The following STAG1 variants were observed in gnomAD, a reference collection of about 807,000 sequenced individuals.
The protein encoded by STAG1 is STAG1 cohesin complex component.
Under a neutral mutation model 170.9 loss-of-function variants are expected in STAG1, and 26 were observed. The ratio of observed to expected loss-of-function variants is 0.15; its 90% CI spans 0.11 to 0.21. The LOEUF is 0.21. Ranked by LOEUF, STAG1 falls within the 10% of genes least tolerant of loss-of-function variation. The pLI is 1.00. For synonymous variants in STAG1, 514 were observed against 497.7 expected, an observed-to-expected ratio of 1.03 and a Z score of -0.44; for missense variants, 964 against 1,509.5, an observed-to-expected ratio of 0.64 and a Z score of 5.99.
intron 21 of STAG1, among the ~76,000 whole-genome samples, chr3:136,405,791 C>CAAAAAAAAA (rs34952291): frequency 5.4e-4 from 27 of 50,094 alleles, no homozygotes; most frequent in Admixed American, 1.1e-3. Flanking sequence ...ACTCTATCTC[C>CAAAAAAAAA]AAAAAAAAAA....
intron 1 of STAG1, among the ~76,000 whole-genome samples, chr3:136,665,240 T>C (rs763861099): frequency 9.2e-5 from 14 of 152,206 alleles, no homozygotes; most frequent in Non-Finnish European, 1.5e-4. Flanking sequence ...GATATTGAAC[T>C]GTTATACAAT....
chr3:136,565,711 A>G (rs537714462), intron 5 of STAG1, among the ~76,000 whole-genome samples: 21 of 152,336 alleles, frequency 1.4e-4, no homozygotes, highest in African/African-American at 5.1e-4. Flanking sequence ...ACGGCACTCA[A>G]ACAAGTATTT....
Position 136,521,506 on chromosome 3 carries a change from T to C in STAG1, c.472-89A>G, listed in dbSNP as rs545815488. On this transcript the variant is annotated intron_variant, in intron 6 of 33. Coordinates refer to ENST00000383202, the MANE Select transcript of STAG1 (RefSeq NM_005862.3). The stretch of plus-strand genomic sequence containing the variant: ...TTTCTTCCTACCTACATAGGAACCC[T>C]TTTTTGCAAAGCAGTTATAGAAAGA... 6.4e-6 allele frequency: 7 copies of C among 1,100,482 alleles called. No homozygotes were observed. The Admixed American group carries it at 7.2e-5, about 11-fold the overall frequency. 68.2% of individuals were successfully genotyped at this position (1,100,482 alleles called of 1,614,324 possible).
chr3:136,579,480 G>T (rs1016246153), intron 4 of STAG1, among the ~76,000 whole-genome samples: 2 of 152,162 alleles, frequency 1.3e-5, no homozygotes, highest in African/African-American at 2.4e-5. Context: ...GGGAAGAAGC[G>T]ATTTCTAAGC....
Position 136,337,435 on chromosome 3 carries a change from A to C in STAG1, c.*819T>G, listed in dbSNP as rs1935729953. 1 of 152,676 alleles carries C rather than the reference A, an allele frequency of 6.5e-6. No homozygotes were observed. Among genetic ancestry groups the C allele is most frequent in the Admixed American group, 6.5e-5 (1 of 15,286 alleles). The allele number at this position is 152,676 out of a possible 1,614,324, so 9.5% of individuals were successfully genotyped here. On this transcript the variant is annotated 3_prime_UTR_variant, in exon 34 of 34. Coordinates refer to ENST00000383202, the MANE Select transcript of STAG1 (RefSeq NM_005862.3). ...TGAGAATACTTTATTTGCTGGTAGA[A>C]GTTGCTAAAAATGCACAGAACAAAT...
At chr3:136,729,575 T>C (rs1438516855) in intron 1 of STAG1, among the ~76,000 whole-genome samples, 1 of 130,844 alleles carries the variant, frequency 7.6e-6, no homozygotes, top group Non-Finnish European at 1.7e-5. Context: ...TTTTCCTTTT[T>C]TTTTTTTTTT....
rs1276422625 is a variant in STAG1 at position 136,443,328 on chromosome 3, A to G, written c.1505T>C (p.Met502Thr). The change falls in exon 15 of 34, where the codon ATG becomes ACG. Residue 502 changes from methionine to threonine, a missense_variant. Met to Thr is a moderately conservative substitution (Grantham distance 81, BLOSUM62 -1). Transcript: ENST00000383202. ...AGGTTCTTCTAATAGCAACTCTGTC[A>G]TACATTCCCAGTCTTTCAACAGTTC... ...SQELLKDWEC[M>T]TELLLEEPVQ... 1 of 1,613,906 alleles carries G rather than the reference A, an allele frequency of 6.2e-7. No homozygotes were observed.
chr3:136,700,756 T>C (rs1943031734), intron 1 of STAG1, among the ~76,000 whole-genome samples: 3 of 151,904 alleles, frequency 2.0e-5, no homozygotes, highest in Admixed American at 1.3e-4. Flanking sequence ...CCCTTCCAGT[T>C]ACTGAAAATA....
At position 136,433,560 on chromosome 3, in the gene STAG1, T is replaced by C. The variant is rs1159913371; in HGVS notation, c.1646A>G (p.Lys549Arg). 1 of 1,601,384 alleles carries C rather than the reference T, an allele frequency of 6.2e-7. No individual in the cohort carries two copies. Residue 549 changes from lysine (K) to arginine (R), a missense_variant, in exon 16 of 34, where the codon AAG becomes AGG. Around this residue, in one of 11 missense-constraint regions of STAG1, gnomAD observed 232 missense variants for 313.0 expected, o/e 0.74. Transcript: ENST00000383202. Reference protein sequence around the residue: ...AHPPVGRGTGKRVLTAKERKT... With the variant: ...AHPPVGRGTGRRVLTAKERKT... ...TTTCTCACTAATGTAACTTACTCTC[T>C]TGCCGGTACCCCTTCCCACTGGAGG... is the stretch of plus-strand genomic sequence containing the variant.
rs188838078 is a variant in STAG1 at position 136,559,213 on chromosome 3, T to C, written c.394+9552A>G. ...GGAGATAAGAATTCATTAAAATAGA[T>C]TGCTAAAGAGAATACTGATTAATAT... is the stretch of plus-strand genomic sequence containing the variant. On this transcript the variant is annotated intron_variant, in intron 5 of 33. Transcript: ENST00000383202. Among the ~76,000 whole-genome samples the C allele has an allele frequency of 3.5e-4, 54 of 152,224 alleles. No homozygotes were observed. The East Asian group carries it at 6.0e-3, about 17-fold the overall frequency.
intron 13 of STAG1, among the ~76,000 whole-genome samples, chr3:136,463,149 C>A (rs746540236): frequency 1.3e-5 from 2 of 152,172 alleles, no homozygotes; most frequent in Non-Finnish European, 2.9e-5. Context: ...GTCAGAGTCA[C>A]TAGGAAATGC....
Position 136,735,738 on chromosome 3 carries a change from G to A in STAG1, c.-84+16457C>T, listed in dbSNP as rs547808533. 2.0e-5 allele frequency among the ~76,000 whole-genome samples: 3 copies of A among 152,120 alleles called. No homozygotes were observed. The South Asian group carries it at 6.2e-4, about 32-fold the overall frequency. ...AGCGATTCCCCTGCCTCAGCCTCCT[G>A]AGTAGCTGGAATTATAGGGGTTCGC... On this transcript the variant is annotated intron_variant, in intron 1 of 33. Transcript: ENST00000383202.
chr3:136,689,425 T>C (rs1490320368), intron 1 of STAG1, among the ~76,000 whole-genome samples: 1 of 152,242 alleles, frequency 6.6e-6, no homozygotes, highest in South Asian at 2.1e-4. Context: ...CTCAATACTG[T>C]TTTATAAAAG....
chr3:136,678,827 A>T (rs1942225197), intron 1 of STAG1, among the ~76,000 whole-genome samples: 1 of 148,770 alleles, frequency 6.7e-6, no homozygotes, highest in Non-Finnish European at 1.5e-5. Flanking sequence ...AGCATGGACA[A>T]CATAGCAAGA....
At chr3:136,524,607 C>A (rs1049284497) in intron 6 of STAG1, among the ~76,000 whole-genome samples, 1 of 152,138 alleles carries the variant, frequency 6.6e-6, no homozygotes, top group African/African-American at 2.4e-5. Context: ...TGCCTGACTG[C>A]CCTGGCCAGA....
In STAG1 at chr3:136,369,332, C is replaced by G. The variant is rs754497219; in HGVS notation, c.2371-50G>C. On this transcript the variant is annotated intron_variant, in intron 23 of 33. Transcript: ENST00000383202. Reference sequence around the variant, plus strand: ...GCAAAATATTACACAAATATAACTACAAGTCAACATTAATGAAAATGTATG... The same window carrying G: ...GCAAAATATTACACAAATATAACTAGAAGTCAACATTAATGAAAATGTATG... 3.5e-6 allele frequency: 5 copies of G among 1,416,626 alleles called. No individual in the cohort carries two copies. The South Asian group carries it at 7.2e-5, about 21-fold the overall frequency. 87.8% of individuals were successfully genotyped at this position (1,416,626 alleles called of 1,614,324 possible). A position where few individuals can be genotyped will look rare whatever the true frequency, so the allele number is the denominator to read the frequency against.
chr3:136,580,634 C>T (rs1041955401), intron 4 of STAG1, among the ~76,000 whole-genome samples: 35 of 148,654 alleles, frequency 2.4e-4, no homozygotes, highest in Non-Finnish European at 3.4e-4. Flanking sequence ...CCCGGGTTCA[C>T]GCCATTCTCC....
chr3:136,495,489 G>T (rs1933028509), intron 9 of STAG1, among the ~76,000 whole-genome samples: 1 of 152,000 alleles, frequency 6.6e-6, no homozygotes, highest in Non-Finnish European at 1.5e-5. Context: ...TCAAGAAAAT[G>T]AAAAAAAGCT....
At chr3:136,546,410 T>A (rs1052215088) in intron 5 of STAG1, among the ~76,000 whole-genome samples, 1 of 151,942 alleles carries the variant, frequency 6.6e-6, no homozygotes, top group African/African-American at 2.4e-5. Context: ...AGTCCCAAAA[T>A]TTTCAGGATA....
Sources: gnomAD v4.1 joint callset for allele counts (sites outside exome capture counted in the v4.1 genomes callset) on GRCh38, gnomAD v4.1.1 for gene constraint, gnomAD v4.1.1 regional missense constraint, MANE v1.5 for transcripts, NCBI Gene and HGNC (gene_info 2026-07-23, HGNC 2026-07-21) for gene names.